SPATA18: variants seen among roughly 807,000 people sequenced by gnomAD.
The protein encoded by SPATA18 is mitochondria-eating protein.
In SPATA18, 54 loss-of-function variants were observed where a neutral mutation model predicts 68.1. That is an observed-to-expected ratio of 0.79 (90% CI 0.64 to 0.99). The LOEUF (loss-of-function observed/expected upper bound fraction) is 0.99. SPATA18 is among the 50% of genes least tolerant of loss of function. The probability of loss-of-function intolerance (pLI) is 0.00; values close to 1 mark genes in which losing one functional copy is unlikely to be tolerated. For synonymous variants in SPATA18, 242 were observed against 244.8 expected, an observed-to-expected ratio of 0.99 and a Z score of 0.11; for missense variants, 724 against 681.1, an observed-to-expected ratio of 1.06 and a Z score of -0.70.
At chr4:52,069,780 A>C (rs747745071) in intron 4 of SPATA18, 41 bp from the exon 5 acceptor site, 1 of 1,471,764 alleles carries the variant, frequency 6.8e-7, no homozygotes, top group Non-Finnish European at 9.1e-7. Context: ...AAGTCTGCCA[A>C]TTTTGAAAAA....
At chr4:52,084,182 T>A (rs1007484030) in intron 10 of SPATA18, among the ~76,000 whole-genome samples, 3 of 152,182 alleles carry the variant, frequency 2.0e-5, no homozygotes, top group African/African-American at 7.2e-5. Context: ...GAAGATCTTA[T>A]CTGTTGCGCA....
At chr4:52,086,822 A>G (rs1741474989) in intron 11 of SPATA18, among the ~76,000 whole-genome samples, 1 of 152,132 alleles carries the variant, frequency 6.6e-6, no homozygotes, top group South Asian at 2.1e-4. Context: ...CCAGTTCTAG[A>G]TCCTTGAGGA....
At position 52,094,847 on chromosome 4, in the gene SPATA18, C is replaced by T. The variant is rs929574426; in HGVS notation, c.1610-33C>T. 5 of 1,613,442 alleles carry T rather than the reference C, an allele frequency of 3.1e-6. No homozygotes were observed. The African/African-American group carries it at 6.7e-5, about 22-fold the overall frequency. On this transcript the variant is annotated intron_variant, in intron 12 of 12. Coordinates refer to ENST00000295213, the MANE Select transcript of SPATA18 (RefSeq NM_145263.4). The stretch of plus-strand genomic sequence containing the variant: ...TCCAAAAGAAAATCGAAGAAAGTGA[C>T]CATAATAATGAACTGTCTATTTTTC...
At chr4:52,066,405 C>A (rs988860942) in intron 4 of SPATA18, among the ~76,000 whole-genome samples, 1 of 152,202 alleles carries the variant, frequency 6.6e-6, no homozygotes, top group Non-Finnish European at 1.5e-5. Context: ...CCACCTCAGC[C>A]TCCCAAAGTG....
At chr4:52,076,685 C>G in intron 6 of SPATA18, 94 bp from the exon 7 acceptor site, 2 of 1,542,110 alleles carry the variant, frequency 1.3e-6, no homozygotes, top group South Asian at 2.5e-5. Context: ...AGTTTTGCCT[C>G]CGGATGGTCG....
intron 4 of SPATA18, among the ~76,000 whole-genome samples, chr4:52,068,748 G>T (rs1160091190): frequency 6.6e-6 from 1 of 152,226 alleles, no homozygotes. Flanking sequence ...CTCAGGACAA[G>T]TGCTATGATA....
Position 52,072,031 on chromosome 4 carries a change from G to A in SPATA18, c.633G>A (p.Trp211Ter). The change falls in exon 6 of 13, where the codon TGG becomes TGA. Residue 211 changes from tryptophan (W) to a stop codon, truncating the protein, a stop_gained. Coordinates refer to ENST00000295213, the MANE Select transcript of SPATA18 (RefSeq NM_145263.4). LOFTEE classifies it high-confidence loss of function. ...WSLEERKREQ[W>*]NSLKQNADQQ... ...TGGAGGAGCGGAAGCGTGAGCAGTG[G>A]AACTCACTCAAGCAGAATGCAGACC... 6.2e-7 allele frequency: 1 copy of A among 1,613,908 alleles called. No individual in the cohort carries two copies. The highest frequency in any genetic ancestry group is 8.5e-7 in the Non-Finnish European group (1 of 1,180,004).
intron 1 of SPATA18, among the ~76,000 whole-genome samples, chr4:52,058,085 A>T (rs1261121433): frequency 2.0e-5 from 3 of 152,200 alleles, no homozygotes; most frequent in Non-Finnish European, 4.4e-5. Flanking sequence ...TGCAGGTATA[A>T]AATGGCCAGG....
rs114364121 is a variant in SPATA18, at chr4:52,052,203, A to C, written c.87+412A>C. Among the ~76,000 whole-genome samples the C allele has an allele frequency of 3.7e-3, 562 of 152,256 alleles. 6 individuals are homozygous for C. The highest frequency in any genetic ancestry group is 0.014 in the Middle Eastern group (4 of 294). On this transcript the variant is annotated intron_variant, in intron 1 of 12. Coordinates refer to ENST00000295213, the MANE Select transcript of SPATA18 (RefSeq NM_145263.4). The stretch of plus-strand genomic sequence containing the variant: ...CTTCCCCAATCCCGAATTATTTTTT[A>C]CTACAACCCTCTCCTGCCCAGGGTT...
chr4:52,096,805 G>A lies in SPATA18; in HGVS notation c.*1918G>A, dbSNP rs1219374117. 2 of 151,498 alleles carry A rather than the reference G, an allele frequency of 1.3e-5. No individual in the cohort carries two copies. Among genetic ancestry groups the A allele is most frequent in the East Asian group, 3.9e-4 (2 of 5,176 alleles). The allele number at this position is 151,498 out of a possible 1,614,324, so 9.4% of individuals were successfully genotyped here. The stretch of plus-strand genomic sequence containing the variant: ...CAGTCTTGCCCTGATTTACACAGCA[G>A]TCACATTCCTGGAAAATTCAAGTGT... On this transcript the variant is annotated 3_prime_UTR_variant, in exon 13 of 13. Transcript: ENST00000295213.
intron 4 of SPATA18, among the ~76,000 whole-genome samples, chr4:52,063,317 A>G (rs531896625): frequency 3.0e-4 from 46 of 152,330 alleles, no homozygotes; most frequent in African/African-American, 1.1e-3. Context: ...TGCATACAAC[A>G]AATAAAAATT....
intron 10 of SPATA18, chr4:52,083,592 C>G (rs369204054): frequency 4.1e-5 from 23 of 554,506 alleles, no homozygotes; most frequent in Non-Finnish European, 5.0e-5. Flanking sequence ...AAAAAATAAA[C>G]AAATTAGCTG....
intron 1 of SPATA18, among the ~76,000 whole-genome samples, chr4:52,052,339 G>A (rs191860801): frequency 7.1e-4 from 108 of 152,292 alleles, no homozygotes; most frequent in African/African-American, 2.5e-3. Flanking sequence ...GGTGGGCCTG[G>A]AAATTGAGGC....
At chr4:52,066,691 T>C (rs184139281) in intron 4 of SPATA18, among the ~76,000 whole-genome samples, 1 of 152,230 alleles carries the variant, frequency 6.6e-6, no homozygotes, top group Non-Finnish European at 1.5e-5. Flanking sequence ...TGTGTATTGT[T>C]CCCCTCCCTG....
chr4:52,083,387 G>C, intron 10 of SPATA18: 1 of 985,328 alleles, frequency 1.0e-6, no homozygotes, highest in Non-Finnish European at 1.2e-6. Context: ...AAGAACTGAA[G>C]AAAAGGGTTT....
rs771515088 is a variant in SPATA18 at position 52,079,830 on chromosome 4, G to A, written c.1266G>A (p.Glu422=). The change falls in exon 9 of 13, where the codon GAG becomes GAA. Residue 422 remains glutamate, a synonymous_variant. Coordinates refer to ENST00000295213, the MANE Select transcript of SPATA18 (RefSeq NM_145263.4). The stretch of plus-strand genomic sequence containing the variant: ...GCCTTCTCAGTGACTTCATCCAGGA[G>A]ATATGTTGCATTGCCTTTGCAATGC... The part of the protein sequence containing the change: ...DFCLLSDFIQ[E]ICCIAFAMQA... The A allele has an allele frequency of 6.2e-7, 1 of 1,614,092 alleles. No individual in the cohort carries two copies. Among genetic ancestry groups the A allele is most frequent in the Non-Finnish European group, 8.5e-7 (1 of 1,179,972 alleles).
intron 11 of SPATA18, among the ~76,000 whole-genome samples, chr4:52,090,864 A>G (rs1487129200): frequency 6.6e-6 from 1 of 152,146 alleles, no homozygotes; most frequent in East Asian, 1.9e-4. Context: ...TCTCCTGGAT[A>G]ATAACCTGAA....
At chr4:52,061,487 A>AATAATAATAAT (rs1738845429) in intron 3 of SPATA18, among the ~76,000 whole-genome samples, 2 of 143,538 alleles carry the variant, frequency 1.4e-5, no homozygotes, top group Non-Finnish European at 3.0e-5. Context: ...CCTAAAGTAA[A>AATAATAATAAT]AATAATAATA....
chr4:52,052,242 A>G (rs187048309), intron 1 of SPATA18, among the ~76,000 whole-genome samples: 1 of 152,286 alleles, frequency 6.6e-6, no homozygotes, highest in Non-Finnish European at 1.5e-5. Flanking sequence ...ATCAGAATGG[A>G]TTTGTATAAA....
Sources: gnomAD v4.1 joint callset for allele counts (sites outside exome capture counted in the v4.1 genomes callset) on GRCh38, gnomAD v4.1.1 for gene constraint, MANE v1.5 for transcripts, NCBI Gene and HGNC (gene_info 2026-07-23, HGNC 2026-07-21) for gene names.